ZSCAN5A: variants seen among roughly 807,000 people sequenced by gnomAD.
ZSCAN5A encodes zinc finger and SCAN domain-containing protein 5A.
ZSCAN5A carries 12 observed loss-of-function variants against 23.7 expected under a neutral mutation model. The observed-to-expected ratio is 0.51, with a 90% CI of 0.32 to 0.82. The LOEUF (loss-of-function observed/expected upper bound fraction) is 0.82. ZSCAN5A is among the 40% of genes least tolerant of loss of function. The probability of loss-of-function intolerance (pLI) is 0.03; values close to 1 mark genes in which losing one functional copy is unlikely to be tolerated. For synonymous variants in ZSCAN5A, 257 were observed against 239.9 expected (o/e 1.07, Z -0.66); for missense variants, 597 against 617.9 (o/e 0.97, Z 0.36).
chr19:56,240,787 G>A (rs2035371090), intron 2 of ZSCAN5A, among the ~76,000 whole-genome samples: 1 of 151,768 alleles, frequency 6.6e-6, no homozygotes, highest in Non-Finnish European at 1.5e-5. Context: ...GCCCAGGCTG[G>A]CTTGAATTCC....
chr19:56,281,771 G>A, intron 2 of ZSCAN5A: 1 of 917,778 alleles, frequency 1.1e-6, no homozygotes, highest in Non-Finnish European at 1.3e-6. Context: ...GGGAATGAAA[G>A]AGAGAGGCAA....
At chr19:56,255,955 T>C (rs551704116) in intron 2 of ZSCAN5A, among the ~76,000 whole-genome samples, 34 of 152,340 alleles carry the variant, frequency 2.2e-4, no homozygotes, top group African/African-American at 7.9e-4. Flanking sequence ...CATACATGCA[T>C]GTAGTGAATA....
rs1474521064 is a variant in ZSCAN5A at position 56,300,721 on chromosome 19, G to T, written c.-128+12562C>A. ...CAACAGGGAGAATTCATTTTTTTTC[G>T]TTTTCGATTTGCATTTGCCTGTACA... On this transcript the variant is annotated intron_variant, in intron 2 of 5. Transcript: ENST00000683990. Among the ~76,000 whole-genome samples, 4 of 151,590 alleles carry T rather than the reference G, an allele frequency of 2.6e-5. No homozygotes were observed. The East Asian group carries it at 5.8e-4, about 22-fold the overall frequency.
chr19:56,312,583 C>G (rs1488109941), intron 2 of ZSCAN5A: 2 of 152,208 alleles, frequency 1.3e-5, no homozygotes, highest in Admixed American at 1.3e-4. Context: ...AGAGAAAAAA[C>G]TGGGGAAATG....
intron 2 of ZSCAN5A, among the ~76,000 whole-genome samples, chr19:56,345,984 C>T (rs997307185): frequency 2.6e-5 from 4 of 152,094 alleles, no homozygotes; most frequent in Non-Finnish European, 5.9e-5. Flanking sequence ...CAGGTGTCTA[C>T]CCCAAGGGAG....
chr19:56,352,249 C>T lies in ZSCAN5A; in HGVS notation c.-358+10986G>A, dbSNP rs1006014799. Among the ~76,000 whole-genome samples the T allele has an allele frequency of 5.3e-5, 8 of 151,944 alleles. No homozygotes were observed. Among genetic ancestry groups the T allele is most frequent in the South Asian group, 2.1e-4 (1 of 4,812 alleles). ...CCCAAGTAGCTGGGACTACAGGCGC[C>T]GATAGTGTGGTGTTTTAACAAAGCT... On this transcript the variant is annotated intron_variant, in intron 2 of 6. Transcript: ENST00000587340. The surrounding 1 kb of genome is among the most constrained non-coding windows in gnomAD (Gnocchi z 4.2).
rs545426924 is a variant in ZSCAN5A, at chr19:56,262,419, T to G, written c.-127-37246A>C. Among the ~76,000 whole-genome samples the G allele has an allele frequency of 7.9e-5, 12 of 151,836 alleles. No individual in the cohort carries two copies. The South Asian group carries it at 1.7e-3, about 21-fold the overall frequency. ...GCAGTCTCGTTTCTAATTTTTTTTT[T>G]TTTGTTTTTTTGTTTTTTTGAGACG... On this transcript the variant is annotated intron_variant, in intron 2 of 5. Transcript: ENST00000683990.
intron 2 of ZSCAN5A, among the ~76,000 whole-genome samples, chr19:56,362,055 G>A (rs1173614478): frequency 1.3e-5 from 2 of 151,710 alleles, no homozygotes; most frequent in African/African-American, 4.8e-5. Context: ...CTACTCGGGA[G>A]GCTGAGGCAG....
In ZSCAN5A at chr19:56,224,518, T is replaced by A. The variant is rs1029563900; in HGVS notation, c.384+145A>T. The A allele has an allele frequency of 4.7e-4, 524 of 1,114,050 alleles. 5 individuals carry two copies. The highest frequency in any genetic ancestry group is 6.2e-4 in the Non-Finnish European group (486 of 781,044). 69.0% of individuals were successfully genotyped at this position (1,114,050 alleles called of 1,614,324 possible). A position where few individuals can be genotyped will look rare whatever the true frequency, so the allele number is the denominator to read the frequency against. On this transcript the variant is annotated intron_variant, in intron 3 of 5. Transcript: ENST00000683990. Reference sequence around the variant, plus strand: ...GACAACAAAAACTGTCCCCAGACACTGCCATGTGTCCCCGACGGGCAAACT... The same window carrying A: ...GACAACAAAAACTGTCCCCAGACACAGCCATGTGTCCCCGACGGGCAAACT...
At chr19:56,295,789 A>G (rs1210857333) in intron 2 of ZSCAN5A, 1 of 152,500 alleles carries the variant, frequency 6.6e-6, no homozygotes, top group Non-Finnish European at 1.5e-5. Flanking sequence ...CGACCCACCC[A>G]GGGCTCCGCT....
intron 2 of ZSCAN5A, among the ~76,000 whole-genome samples, chr19:56,359,148 GA>G (rs372658767): frequency 9.6e-5 from 14 of 145,094 alleles, no homozygotes; most frequent in South Asian, 2.2e-4. Context: ...CTGGTTCTTT[GA>G]AAAAAAAAAT....
rs140033282 is a variant in ZSCAN5A at position 56,303,793 on chromosome 19, C to T, written c.-128+9490G>A. On this transcript the variant is annotated intron_variant, in intron 2 of 5. Transcript: ENST00000683990. ...ATCACAGAGTGAGCAGCCATGGCCACGGGCAGCCTTCCCCGGGCAGGTAAC... is the reference window on the plus strand; with the variant it reads ...ATCACAGAGTGAGCAGCCATGGCCATGGGCAGCCTTCCCCGGGCAGGTAAC... Among the ~76,000 whole-genome samples the T allele has an allele frequency of 6.4e-3, 941 of 146,608 alleles. 9 individuals carry two copies. Among genetic ancestry groups the T allele is most frequent in the African/African-American group, 0.022 (849 of 38,302 alleles).
intron 2 of ZSCAN5A, among the ~76,000 whole-genome samples, chr19:56,243,537 C>T (rs11880705): frequency 0.083 from 12,649 of 152,064 alleles, 601 homozygotes; most frequent in Non-Finnish European, 0.098. Context: ...TATCTTTGTG[C>T]GTAATTATGA....
chr19:56,359,731 T>C (rs1240551312), intron 2 of ZSCAN5A, among the ~76,000 whole-genome samples: 2 of 152,186 alleles, frequency 1.3e-5, no homozygotes, highest in East Asian at 1.9e-4. Flanking sequence ...TTATCCACCA[T>C]GAACAAGTTG....
At chr19:56,296,583 G>A (rs1322969546) in intron 2 of ZSCAN5A, among the ~76,000 whole-genome samples, 1 of 152,086 alleles carries the variant, frequency 6.6e-6, no homozygotes, top group African/African-American at 2.4e-5. Context: ...TGTTAGAGAT[G>A]CAGCAGAGGA....
At chr19:56,332,059 T>A (rs1568755895) in intron 2 of ZSCAN5A, among the ~76,000 whole-genome samples, 1 of 152,202 alleles carries the variant, frequency 6.6e-6, no homozygotes, top group African/African-American at 2.4e-5. Flanking sequence ...GATTTTTATT[T>A]TTTTTAATTG....
intron 2 of ZSCAN5A, 191 bp from the exon 3 acceptor site, chr19:56,225,364 G>A: frequency 3.5e-6 from 1 of 289,722 alleles, no homozygotes; most frequent in Non-Finnish European, 6.0e-6. Context: ...TGATCTCTAG[G>A]AAATCACTGT....
At chr19:56,353,328 G>A (rs2041679337) in intron 2 of ZSCAN5A, among the ~76,000 whole-genome samples, 1 of 152,180 alleles carries the variant, frequency 6.6e-6, no homozygotes, top group African/African-American at 2.4e-5. Flanking sequence ...TTTAGCAAGT[G>A]CATGTGTGCA....
intron 2 of ZSCAN5A, among the ~76,000 whole-genome samples, chr19:56,312,888 A>T (rs186752927): frequency 2.2e-4 from 34 of 152,366 alleles, no homozygotes; most frequent in African/African-American, 7.9e-4. Flanking sequence ...TGGGAATTAA[A>T]GATGGTGTTT....
Sources: allele counts gnomAD v4.1 joint callset (sites outside exome capture counted in the v4.1 genomes callset), GRCh38; gene constraint gnomAD v4.1.1; non-coding constraint Gnocchi (gnomAD v3.1); transcripts MANE v1.5; gene names NCBI Gene and HGNC (gene_info 2026-07-23, HGNC 2026-07-21).